Variants in LOC122539214 observed in about 807,000 individuals in gnomAD.
At chr19:52,690,418 C>T in the LOC122539214 span, 42 of 174,398 alleles carry the variant, frequency 2.4e-4, no homozygotes, top group African/African-American at 8.6e-4. Flanking sequence ...GAAATGCAGA[C>T]TTAATACAAA....
the LOC122539214 span, among the ~76,000 whole-genome samples, chr19:52,678,476 A>G: frequency 6.6e-6 from 1 of 151,686 alleles, no homozygotes; most frequent in Admixed American, 6.6e-5. Flanking sequence ...AAAAAAGAAA[A>G]AAAAACTGGA....
the LOC122539214 span, among the ~76,000 whole-genome samples, chr19:52,677,306 T>TAAAAAAAAAAA: frequency 1.9e-5 from 2 of 106,462 alleles, no homozygotes; most frequent in Non-Finnish European, 3.9e-5. Context: ...AATTGAGAAG[T>TAAAAAAAAAAA]AAAAAAAAAA....
At chr19:52,681,157 C>T in the LOC122539214 span, among the ~76,000 whole-genome samples, 10 of 151,098 alleles carry the variant, frequency 6.6e-5, no homozygotes, top group Non-Finnish European at 1.3e-4. Flanking sequence ...TGGTGGCAGG[C>T]ACCTGTAATC....
chr19:52,676,097 C>T, the LOC122539214 span, among the ~76,000 whole-genome samples: 1 of 152,174 alleles, frequency 6.6e-6, no homozygotes, highest in African/African-American at 2.4e-5. Flanking sequence ...TCTCCTGCCT[C>T]AGCCTGCTGA....
the LOC122539214 span, among the ~76,000 whole-genome samples, chr19:52,661,081 T>C: frequency 1.3e-5 from 2 of 151,616 alleles, no homozygotes; most frequent in African/African-American, 4.9e-5. Flanking sequence ...GCCAGGAGAG[T>C]CTCAATCTCC....
chr19:52,673,992 G>C, the LOC122539214 span, among the ~76,000 whole-genome samples: 1 of 143,032 alleles, frequency 7.0e-6, no homozygotes, highest in Non-Finnish European at 1.5e-5. Flanking sequence ...CTGCAGCCTG[G>C]GTAACAGAGT....
the LOC122539214 span, among the ~76,000 whole-genome samples, chr19:52,672,060 C>T: frequency 6.6e-6 from 1 of 151,912 alleles, no homozygotes; most frequent in Non-Finnish European, 1.5e-5. Flanking sequence ...ATGGTGAAAC[C>T]CCATCTGTAC....
At chr19:52,652,582 C>A in the LOC122539214 span, 1 of 431,764 alleles carries the variant, frequency 2.3e-6, no homozygotes, top group South Asian at 1.8e-5. Context: ...AGTATGAGTT[C>A]ACTGATGAAC....
At chr19:52,656,720 G>A in the LOC122539214 span, among the ~76,000 whole-genome samples, 1 of 152,006 alleles carries the variant, frequency 6.6e-6, no homozygotes, top group Non-Finnish European at 1.5e-5. Context: ...ACAAAAATTA[G>A]CTTGGTATGG....
the LOC122539214 span, among the ~76,000 whole-genome samples, chr19:52,663,404 T>C: frequency 1.3e-5 from 2 of 152,216 alleles, no homozygotes; most frequent in East Asian, 3.8e-4. Flanking sequence ...CATGAACACA[T>C]GGACTCTGCT....
chr19:52,668,953 A>ATG, the LOC122539214 span, among the ~76,000 whole-genome samples: 1 of 152,184 alleles, frequency 6.6e-6, no homozygotes, highest in South Asian at 2.1e-4. Flanking sequence ...TCCAGCTTCC[A>ATG]ACTCCCAACA....
the LOC122539214 span, among the ~76,000 whole-genome samples, chr19:52,688,980 A>AGT: frequency 2.2e-4 from 32 of 144,990 alleles, 1 homozygote; most frequent in Admixed American, 2.2e-3. Context: ...AAAGAGAGAG[A>AGT]TTATTTTACT....
chr19:52,661,468 T>C, the LOC122539214 span, among the ~76,000 whole-genome samples: 2 of 152,230 alleles, frequency 1.3e-5, no homozygotes, highest in African/African-American at 2.4e-5. Context: ...CTGACCTCAG[T>C]TCTCAATATG....
chr19:52,671,523 A>C, the LOC122539214 span, among the ~76,000 whole-genome samples: 399 of 151,260 alleles, frequency 2.6e-3, 2 homozygotes, highest in Non-Finnish European at 4.0e-3. Flanking sequence ...TGCTCCTTGC[A>C]CCCTCAACCT....
At chr19:52,681,116 C>T in the LOC122539214 span, among the ~76,000 whole-genome samples, 5 of 151,564 alleles carry the variant, frequency 3.3e-5, no homozygotes, top group South Asian at 8.4e-4. Flanking sequence ...AAAACCTCTT[C>T]TCTACTAAAA....
At chr19:52,690,201 AC>A in the LOC122539214 span, among the ~76,000 whole-genome samples, 160 of 150,362 alleles carry the variant, frequency 1.1e-3, 1 homozygote, top group African/African-American at 3.7e-3. Context: ...AAAAAAAACA[AC>A]AACAACTACG....
chr19:52,662,275 C>A, the LOC122539214 span, among the ~76,000 whole-genome samples: 4 of 152,190 alleles, frequency 2.6e-5, no homozygotes, highest in African/African-American at 9.7e-5. Context: ...TCACCCTCAT[C>A]TGAGACATGT....
chr19:52,653,078 T>C, the LOC122539214 span: 2 of 1,489,282 alleles, frequency 1.3e-6, no homozygotes, highest in African/African-American at 1.4e-5. Flanking sequence ...TTCTCTCCAG[T>C]ATGAATTGCC....
the LOC122539214 span, among the ~76,000 whole-genome samples, chr19:52,665,423 TA>T: frequency 6.1e-5 from 9 of 148,046 alleles, no homozygotes; most frequent in South Asian, 2.1e-4. Context: ...AAAAAGTGAT[TA>T]AAAAAAAAAG....
Sources: allele counts gnomAD v4.1 joint callset (sites outside exome capture counted in the v4.1 genomes callset), GRCh38; gene constraint gnomAD v4.1.1; transcripts MANE v1.5.